The following DCUN1D4 variants were observed in gnomAD, a reference collection of about 807,000 sequenced individuals.
DCUN1D4 encodes the protein DCN1-like protein 4.
In DCUN1D4, 22 loss-of-function variants were observed where a neutral mutation model predicts 47.9. The ratio of observed to expected loss-of-function variants is 0.46; its 90% CI spans 0.33 to 0.66. The LOEUF (loss-of-function observed/expected upper bound fraction) is 0.66. Ranked by LOEUF, DCUN1D4 falls within the 30% of genes least tolerant of loss-of-function variation. DCUN1D4 has a pLI of 0.02. For missense variants in DCUN1D4, 301 were observed against 340.8 expected (o/e 0.88, Z 0.92); for synonymous variants, 121 against 112.2 (o/e 1.08, Z -0.50).
chr4:51,867,168 A>T (rs1186625282), intron 3 of DCUN1D4, among the ~76,000 whole-genome samples: 1 of 152,244 alleles, frequency 6.6e-6, no homozygotes, highest in Admixed American at 6.5e-5. Context: ...GATGTACTGC[A>T]TGTGGCTTCC....
chr4:51,850,525 G>A (rs967071663), intron 1 of DCUN1D4, among the ~76,000 whole-genome samples: 7 of 152,174 alleles, frequency 4.6e-5, no homozygotes, highest in African/African-American at 1.2e-4. Context: ...CTCTGTGTGC[G>A]CTTCAGAGCC....
intron 1 of DCUN1D4, 88 bp from the exon 2 acceptor site, chr4:51,863,347 TTA>T: frequency 1.9e-6 from 2 of 1,066,136 alleles, no homozygotes; most frequent in Non-Finnish European, 2.8e-6. Context: ...TAGTATTTAA[TTA>T]TATCAAAACA....
intron 5 of DCUN1D4, among the ~76,000 whole-genome samples, chr4:51,879,417 G>A (rs1204170073): frequency 6.6e-6 from 1 of 152,136 alleles, no homozygotes; most frequent in Admixed American, 6.5e-5. Context: ...GACCAGCCTG[G>A]GCAACACGGT....
At chr4:51,843,640 G>C (rs1414154320) in intron 1 of DCUN1D4, 1 of 1,255,418 alleles carries the variant, frequency 8.0e-7, no homozygotes, top group Non-Finnish European at 1.0e-6. Flanking sequence ...ATGTGGGGGG[G>C]TGGCACCGGC....
At chr4:51,880,420 G>C (rs1227158411) in intron 5 of DCUN1D4, among the ~76,000 whole-genome samples, 1 of 152,096 alleles carries the variant, frequency 6.6e-6, no homozygotes, top group Non-Finnish European at 1.5e-5. Flanking sequence ...TGGAGTGGAG[G>C]GGCAGCGGGG....
At chr4:51,835,305 C>T in the DCUN1D4 span, among the ~76,000 whole-genome samples, 8 of 152,202 alleles carry the variant, frequency 5.3e-5, no homozygotes, top group Non-Finnish European at 1.2e-4. Flanking sequence ...AGTGTTTTCA[C>T]CCATAAAGTG....
At chr4:51,844,277 G>C in intron 1 of DCUN1D4, 1 of 964,914 alleles carries the variant, frequency 1.0e-6, no homozygotes, top group Non-Finnish European at 1.2e-6. Context: ...AGGGTCCCTT[G>C]AAGGGGGGAG....
At chr4:51,849,077 GCCT>G (rs1722975910) in intron 1 of DCUN1D4, among the ~76,000 whole-genome samples, 1 of 152,106 alleles carries the variant, frequency 6.6e-6, no homozygotes, top group Non-Finnish European at 1.5e-5. Flanking sequence ...GTCATCTTAG[GCCT>G]CCTCCATATT....
chr4:51,862,963 A>T (rs1725301118), intron 1 of DCUN1D4, among the ~76,000 whole-genome samples: 3 of 152,182 alleles, frequency 2.0e-5, no homozygotes, highest in Admixed American at 2.0e-4. Context: ...GTGAACCATG[A>T]TTGCACCACT....
intron 5 of DCUN1D4, 117 bp downstream of exon 5, chr4:51,877,971 G>A (rs1309178838): frequency 5.5e-6 from 3 of 549,046 alleles, no homozygotes; most frequent in Admixed American, 3.2e-5. Context: ...GTGTGTGTGT[G>A]TCCCTGTTAG....
chr4:51,884,554 T>G (rs1729175552), intron 5 of DCUN1D4: 1 of 152,248 alleles, frequency 6.6e-6, no homozygotes, highest in African/African-American at 2.4e-5. Flanking sequence ...GTTTCCTATA[T>G]TCTGGTATTC....
intron 1 of DCUN1D4, chr4:51,844,453 G>C: frequency 5.1e-6 from 5 of 971,832 alleles, no homozygotes; most frequent in Non-Finnish European, 6.1e-6. Context: ...GCAGGGGTGC[G>C]GGCTGCGGGG....
chr4:51,878,853 A>C (rs1369893920), intron 5 of DCUN1D4, among the ~76,000 whole-genome samples: 1 of 152,190 alleles, frequency 6.6e-6, no homozygotes, highest in Non-Finnish European at 1.5e-5. Flanking sequence ...TTGGTATCAA[A>C]ATGAGGAATT....
At chr4:51,910,452 G>A (rs1205002466) in intron 8 of DCUN1D4, among the ~76,000 whole-genome samples, 1 of 152,066 alleles carries the variant, frequency 6.6e-6, no homozygotes, top group Non-Finnish European at 1.5e-5. Flanking sequence ...CTATCTATCT[G>A]TCTATTGAAG....
chr4:51,874,444 C>A, intron 4 of DCUN1D4, 59 bp downstream of exon 4: 4 of 1,286,870 alleles, frequency 3.1e-6, no homozygotes, highest in Non-Finnish European at 4.3e-6. Context: ...ATGCACATTT[C>A]TACCTAATTC....
chr4:51,874,501 C>G (rs1014493094), intron 4 of DCUN1D4, 116 bp downstream of exon 4: 1 of 566,480 alleles, frequency 1.8e-6, no homozygotes, highest in Non-Finnish European at 2.9e-6. Flanking sequence ...ATGGGCTTTG[C>G]CAGTCGATTT....
intron 3 of DCUN1D4, among the ~76,000 whole-genome samples, chr4:51,866,129 G>A (rs1725864940): frequency 6.6e-6 from 1 of 152,098 alleles, no homozygotes; most frequent in African/African-American, 2.4e-5. Context: ...GAGTTCAGGG[G>A]TACTAAGGGT....
chr4:51,843,017 C>A, upstream of DCUN1D4: 1 of 1,328,420 alleles, frequency 7.5e-7, no homozygotes, highest in Non-Finnish European at 9.7e-7. Context: ...GGCGGGGCCT[C>A]GTTGCCAGCT....
intron 8 of DCUN1D4, chr4:51,909,034 T>A (rs1291672654): frequency 1.3e-5 from 6 of 455,678 alleles, no homozygotes; most frequent in Non-Finnish European, 2.6e-5. Context: ...CCTCCGTGTT[T>A]TGGCATCACT....
Sources: gnomAD v4.1 joint callset for allele counts (sites outside exome capture counted in the v4.1 genomes callset) on GRCh38, gnomAD v4.1.1 for gene constraint, MANE v1.5 for transcripts, NCBI Gene and HGNC (gene_info 2026-07-23, HGNC 2026-07-21) for gene names.